Variants in GATAD2A observed in about 807,000 individuals in gnomAD.
GATAD2A encodes the protein transcriptional repressor p66-alpha.
Under a neutral mutation model 68.5 loss-of-function variants are expected in GATAD2A, and 12 were observed. That is an observed-to-expected ratio of 0.18 (90% CI 0.11 to 0.28). GATAD2A has a LOEUF of 0.28. GATAD2A is among the 10% of genes least tolerant of loss of function. GATAD2A has a pLI of 1.00. For synonymous variants in GATAD2A, 410 were observed against 375.3 expected (o/e 1.09, Z -1.07); for missense variants, 755 against 868.5 (o/e 0.87, Z 1.64).
chr19:19,388,004 C>G (rs949467836), intron 1 of GATAD2A, among the ~76,000 whole-genome samples: 3 of 151,912 alleles, frequency 2.0e-5, no homozygotes, highest in African/African-American at 7.3e-5. Context: ...TCTTGATTTT[C>G]TAAGGGAGAA....
chr19:19,466,178 T>C (rs1294880536), intron 2 of GATAD2A, among the ~76,000 whole-genome samples: 2 of 152,236 alleles, frequency 1.3e-5, no homozygotes, highest in African/African-American at 2.4e-5. Context: ...AGAGTGACTT[T>C]CCTCATATTC....
chr19:19,462,607 C>T (rs561989346), intron 1 of GATAD2A, among the ~76,000 whole-genome samples: 231 of 152,364 alleles, frequency 1.5e-3, no homozygotes, highest in African/African-American at 5.2e-3. Context: ...CGCCAGCCAG[C>T]CCTCTGCTGA....
chr19:19,420,492 T>C (rs904731393), intron 1 of GATAD2A, among the ~76,000 whole-genome samples: 7 of 142,888 alleles, frequency 4.9e-5, no homozygotes, highest in African/African-American at 1.0e-4. Flanking sequence ...CCACCACGCC[T>C]GGCCAATTTT....
chr19:19,471,922 G>GTCTTGCAC (rs1450398132), intron 2 of GATAD2A, among the ~76,000 whole-genome samples: 3 of 152,192 alleles, frequency 2.0e-5, no homozygotes, highest in African/African-American at 7.2e-5. Flanking sequence ...TTTGGAGTTG[G>GTCTTGCAC]TCTTGCACTG....
At chr19:19,454,050 T>C (rs62136980) in intron 1 of GATAD2A, among the ~76,000 whole-genome samples, 67 of 150,126 alleles carry the variant, frequency 4.5e-4, no homozygotes, top group African/African-American at 1.6e-3. Context: ...CAGGCTGGAG[T>C]GCAATGGCAC....
At chr19:19,474,661 A>G (rs966244133) in intron 2 of GATAD2A, among the ~76,000 whole-genome samples, 2 of 151,902 alleles carry the variant, frequency 1.3e-5, no homozygotes, top group Non-Finnish European at 2.9e-5. Context: ...GTCCCTGCAG[A>G]TTGTCTGTTT....
intron 8 of GATAD2A, among the ~76,000 whole-genome samples, chr19:19,498,937 G>A (rs756666868): frequency 3.9e-5 from 6 of 152,234 alleles, no homozygotes; most frequent in Non-Finnish European, 8.8e-5. Context: ...AGAGGCTCAG[G>A]GTCCAGGGGG....
intron 2 of GATAD2A, among the ~76,000 whole-genome samples, chr19:19,470,550 A>G (rs768543108): frequency 3.9e-5 from 6 of 152,244 alleles, no homozygotes; most frequent in South Asian, 2.1e-4. Flanking sequence ...AGAGATTTCA[A>G]TATCCCACTC....
chr19:19,476,354 T>C (rs2058676618), intron 2 of GATAD2A, among the ~76,000 whole-genome samples: 1 of 152,230 alleles, frequency 6.6e-6, no homozygotes, highest in Non-Finnish European at 1.5e-5. Context: ...CCTCCCAGCA[T>C]GTATTCCTGC....
intron 5 of GATAD2A, 103 bp from the exon 6 acceptor site, chr19:19,495,651 A>AAAAC: frequency 9.3e-7 from 1 of 1,076,804 alleles, no homozygotes; most frequent in African/African-American, 1.6e-5. Flanking sequence ...AAAAAAAAAA[A>AAAAC]AAAACTAGTA....
intron 2 of GATAD2A, among the ~76,000 whole-genome samples, chr19:19,475,645 G>A (rs2058629805): frequency 6.6e-6 from 1 of 152,192 alleles, no homozygotes; most frequent in Non-Finnish European, 1.5e-5. Flanking sequence ...CACAGCCTGC[G>A]GGCATTTCTT....
intron 5 of GATAD2A, 84 bp from the exon 6 acceptor site, chr19:19,495,669 TC>T: frequency 1.6e-6 from 2 of 1,232,040 alleles, no homozygotes; most frequent in Non-Finnish European, 2.2e-6. Flanking sequence ...GTATGTACTT[TC>T]ATAAAAGCAG....
At chr19:19,442,753 A>G (rs1331877815) in intron 1 of GATAD2A, among the ~76,000 whole-genome samples, 3 of 149,532 alleles carry the variant, frequency 2.0e-5, no homozygotes, top group Non-Finnish European at 4.4e-5. Context: ...TGAGCAATGT[A>G]GCAGGACCCC....
chr19:19,434,119 G>A (rs2054052954), intron 1 of GATAD2A, among the ~76,000 whole-genome samples: 1 of 152,070 alleles, frequency 6.6e-6, no homozygotes, highest in African/African-American at 2.4e-5. Flanking sequence ...TTATCCTTAA[G>A]TATTTCACCT....
chr19:19,432,279 T>TTTTTG (rs769626136), intron 1 of GATAD2A, among the ~76,000 whole-genome samples: 60 of 151,486 alleles, frequency 4.0e-4, no homozygotes, highest in Middle Eastern at 3.4e-3. Flanking sequence ...TTGACAGTGG[T>TTTTTG]TTTTGTTTTG....
intron 2 of GATAD2A, among the ~76,000 whole-genome samples, chr19:19,476,066 GGTC>G: frequency 6.6e-6 from 1 of 152,284 alleles, no homozygotes; most frequent in Non-Finnish European, 1.5e-5. Flanking sequence ...GCCCTCCTCT[GGTC>G]ATGGAGGGGA....
At chr19:19,400,257 G>C (rs1485974039) in intron 1 of GATAD2A, among the ~76,000 whole-genome samples, 1 of 150,428 alleles carries the variant, frequency 6.6e-6, no homozygotes, top group East Asian at 2.1e-4. Flanking sequence ...TAGCAGGACA[G>C]TGCCAGGGCC....
intron 5 of GATAD2A, 115 bp from the exon 6 acceptor site, chr19:19,495,634 TAAAAA>T (rs3067692): frequency 7.7e-5 from 42 of 547,146 alleles, no homozygotes; most frequent in Middle Eastern, 5.6e-4. Flanking sequence ...CTCTGCTACT[TAAAAA>T]AAAAAAAAAA....
chr19:19,495,645 A>AAC (rs1260600645), intron 5 of GATAD2A, 109 bp from the exon 6 acceptor site: 10 of 1,017,798 alleles, frequency 9.8e-6, no homozygotes, highest in African/African-American at 8.3e-5. Flanking sequence ...AAAAAAAAAA[A>AAC]AAAAAAAAAA....
Sources: gnomAD v4.1 joint callset for allele counts (sites outside exome capture counted in the v4.1 genomes callset) on GRCh38, gnomAD v4.1.1 for gene constraint, MANE v1.5 for transcripts, NCBI Gene and HGNC (gene_info 2026-07-23, HGNC 2026-07-21) for gene names.